Variants in ZNF211 observed in about 807,000 individuals in gnomAD.
The protein encoded by ZNF211 is zinc finger protein C2H2-25.
ZNF211 carries 18 observed loss-of-function variants against 12.1 expected under a neutral mutation model. The observed-to-expected ratio is 1.48, with a 90% CI of 1.03 to 2.20. The LOEUF (loss-of-function observed/expected upper bound fraction) is 2.20, where lower values mean the gene tolerates loss of function less well. Ranked by LOEUF, ZNF211 falls within the 30% of genes most tolerant of loss-of-function variation. The pLI, the probability that ZNF211 is intolerant of heterozygous loss-of-function variation, is 0.00. For synonymous variants in ZNF211, 249 were observed against 246.0 expected (o/e 1.01, Z -0.11); for missense variants, 677 against 703.1 (o/e 0.96, Z 0.42).
intron 3 of ZNF211, 51 bp downstream of exon 3, chr19:57,634,806 C>G (rs757846698): frequency 6.8e-7 from 1 of 1,463,854 alleles, no homozygotes; most frequent in East Asian, 2.5e-5. Context: ...CTCTGTTTCT[C>G]CTTTTCCTCA....
intron 2 of ZNF211, 28 bp downstream of exon 2, chr19:57,634,089 TG>T (rs1421369119): frequency 6.5e-7 from 1 of 1,539,578 alleles, no homozygotes; most frequent in Non-Finnish European, 8.7e-7. Context: ...AGCCCCTCAC[TG>T]GTCTGGAATG....
rs779802101 is a variant in ZNF211, at chr19:57,642,053, A to G, written c.1606A>G (p.Ser536Gly). 2 of 1,614,162 alleles carry G rather than the reference A, an allele frequency of 1.2e-6. No homozygotes were observed. Among genetic ancestry groups the G allele is most frequent in the Non-Finnish European group, 1.7e-6 (2 of 1,179,988 alleles). Residue 536 changes from serine to glycine, a missense_variant, in exon 4 of 4, where the codon AGC becomes GGC. Transcript: ENST00000240731. ...ECGKSFSQSSSLIQHRRVHTG... is the reference protein window; with the variant it reads ...ECGKSFSQSSGLIQHRRVHTG... The stretch of plus-strand genomic sequence containing the variant: ...TGGGAAATCCTTTAGCCAAAGTTCT[A>G]GCCTCATTCAACACCGCAGAGTTCA...
At chr19:57,634,291 G>A in intron 2 of ZNF211, 1 of 504,798 alleles carries the variant, frequency 2.0e-6, no homozygotes, top group African/African-American at 1.9e-5. Context: ...AAACAGGTAG[G>A]TACCAGCTTT....
rs1170376540 is a variant in ZNF211, at chr19:57,642,176, CCTT to C, written c.1730_1732del (p.Pro577_Ter578delinsGln). ...CCAGAGAGTTCACATTGGAGAAAAG[CCTT>C]AGCTGTACTGAGAATATGCAATTTC... On this transcript the variant is annotated stop_lost and inframe_deletion, in exon 4 of 4. Coordinates refer to ENST00000240731, the MANE Select transcript of ZNF211 (RefSeq NM_006385.5). 1.2e-6 allele frequency: 2 copies of C among 1,601,890 alleles called. No individual in the cohort carries two copies. Among genetic ancestry groups the C allele is most frequent in the Non-Finnish European group, 1.7e-6 (2 of 1,172,682 alleles).
Position 57,633,226 on chromosome 19 carries a change from T to G in ZNF211, c.-121T>G. The G allele has an allele frequency of 1.9e-6, 2 of 1,032,636 alleles. No individual in the cohort carries two copies. Among genetic ancestry groups the G allele is most frequent in the Non-Finnish European group, 2.7e-6 (2 of 749,092 alleles). The allele number at this position is 1,032,636 out of a possible 1,614,324, so 64.0% of individuals were successfully genotyped here. A position where few individuals can be genotyped will look rare whatever the true frequency, so the allele number is the denominator to read the frequency against. On this transcript the variant is annotated 5_prime_UTR_variant, in exon 1 of 4. Transcript: ENST00000240731. ...TTTTGGCTGCCCTCCCGGAGGTCCGTTCTGTCTGTCAGCCGCTTTGGTACG... is the reference window on the plus strand; with the variant it reads ...TTTTGGCTGCCCTCCCGGAGGTCCGGTCTGTCTGTCAGCCGCTTTGGTACG...
Position 57,642,599 on chromosome 19 carries a change from A to G in ZNF211, c.*418A>G, listed in dbSNP as rs143081730. On this transcript the variant is annotated 3_prime_UTR_variant, in exon 4 of 4. Coordinates refer to ENST00000240731, the MANE Select transcript of ZNF211 (RefSeq NM_006385.5). ...ACCCAGCTTTGTGCCAGAGAACCCA[A>G]TATGAGTGTTGTTGGCAGCTTGCCA... The G allele has an allele frequency of 1.1e-3, 176 of 162,642 alleles. 1 individual carries two copies. Among genetic ancestry groups the G allele is most frequent in the African/African-American group, 4.1e-3 (172 of 41,826 alleles). 10.1% of individuals were successfully genotyped at this position (162,642 alleles called of 1,614,324 possible).
rs907086844 is a variant in ZNF211, at chr19:57,643,642, T to C, written c.*1461T>C. 3.3e-5 allele frequency among the ~76,000 whole-genome samples: 5 copies of C among 152,174 alleles called. No individual in the cohort carries two copies. Among genetic ancestry groups the C allele is most frequent in the African/African-American group, 1.2e-4 (5 of 41,432 alleles). The stretch of plus-strand genomic sequence containing the variant: ...CTCCAAGGTCATCAGGAAAGAGAGT[T>C]AATGTAGGGTTACCAAACCTAGTCA... On this transcript the variant is annotated 3_prime_UTR_variant, in exon 4 of 4. Transcript: ENST00000240731.
chr19:57,633,511 C>G, intron 1 of ZNF211, 75 bp downstream of exon 1: 1 of 1,514,772 alleles, frequency 6.6e-7, no homozygotes, highest in South Asian at 1.3e-5. Flanking sequence ...GCTCACGTCT[C>G]TGTAGCACAG....
At chr19:57,633,900 G>A (rs1414290364) in intron 1 of ZNF211, 123 bp from the exon 2 acceptor site, 2 of 1,607,334 alleles carry the variant, frequency 1.2e-6, no homozygotes, top group Non-Finnish European at 1.7e-6. Flanking sequence ...GGACCGAGGC[G>A]CACAGGTTAG....
intron 3 of ZNF211, among the ~76,000 whole-genome samples, chr19:57,637,188 A>G (rs1982250120): frequency 6.6e-6 from 1 of 151,188 alleles, no homozygotes; most frequent in African/African-American, 2.4e-5. Context: ...TTTCTTGCCT[A>G]ATTGCTATGT....
rs150317613 is a variant in ZNF211 at position 57,634,271 on chromosome 19, T to G, written c.129+210T>G. ...CAGCCAATGGAAAGATGGGTGAAAA[T>G]TTATGATAGAAACAGGTAGGTACCA... On this transcript the variant is annotated intron_variant, in intron 2 of 3. Transcript: ENST00000240731. 35 of 534,536 alleles carry G rather than the reference T, an allele frequency of 6.5e-5. 1 individual carries two copies. The highest frequency in any genetic ancestry group is 6.4e-4 in the African/African-American group (33 of 51,924). The allele number at this position is 534,536 out of a possible 1,614,324, so 33.1% of individuals were successfully genotyped here. A position where few individuals can be genotyped will look rare whatever the true frequency, so the allele number is the denominator to read the frequency against.
chr19:57,638,697 G>A (rs752006667), intron 3 of ZNF211, among the ~76,000 whole-genome samples: 2 of 152,102 alleles, frequency 1.3e-5, no homozygotes, highest in Non-Finnish European at 2.9e-5. Context: ...GTTGTTGTTG[G>A]GTAGAATGCT....
intron 3 of ZNF211, 83 bp downstream of exon 3, chr19:57,634,838 CT>C (rs1981935912): frequency 7.2e-7 from 1 of 1,397,886 alleles, no homozygotes; most frequent in African/African-American, 1.5e-5. Context: ...GTCCTCATAT[CT>C]GGACTATAGG....
Position 57,634,761 on chromosome 19 carries a change from G to A in ZNF211, c.256+6G>A. On this transcript the variant is annotated splice_donor_region_variant and intron_variant, in intron 3 of 3. Transcript: ENST00000240731. The stretch of plus-strand genomic sequence containing the variant: ...TGCACTTACGTCCTCCCTGGGTAAG[G>A]CCCTCATACTCACCCTTGTGCCCTG... 2 of 1,581,252 alleles carry A rather than the reference G, an allele frequency of 1.3e-6. No homozygotes were observed. Among genetic ancestry groups the A allele is most frequent in the Non-Finnish European group, 1.7e-6 (2 of 1,162,780 alleles).
chr19:57,641,828 A>G lies in ZNF211; in HGVS notation c.1381A>G (p.Thr461Ala), dbSNP rs202083298. The change falls in exon 4 of 4, where the codon ACA (threonine) becomes GCA (alanine). Residue 461 changes from threonine to alanine, a missense_variant. Coordinates refer to ENST00000240731, the MANE Select transcript of ZNF211 (RefSeq NM_006385.5). ...CTTCAGTTCACATCGGAAAGTCCAC[A>G]CAGGGGAAAGGCCTTATGTGTGTGG... ...SSFSSHRKVH[T>A]GERPYVCGEC... The G allele has an allele frequency of 1.9e-6, 3 of 1,614,088 alleles. No homozygotes were observed. Among genetic ancestry groups the G allele is most frequent in the African/African-American group, 1.3e-5 (1 of 74,992 alleles).
chr19:57,641,052 A>T lies in ZNF211; in HGVS notation c.605A>T (p.Glu202Val). ...HVSEKPFTCR[E>V]IRKDFLANMR... ...TCGGAGAAACCCTTTACCTGCAGGG[A>T]GATCAGGAAAGACTTCCTGGCCAAC... The change falls in exon 4 of 4, where the codon GAG becomes GTG. Residue 202 changes from glutamate to valine, a missense_variant. Transcript: ENST00000240731. 1 of 1,614,210 alleles carries T rather than the reference A, an allele frequency of 6.2e-7. No homozygotes were observed. Among genetic ancestry groups the T allele is most frequent in the Non-Finnish European group, 8.5e-7 (1 of 1,180,044 alleles).
chr19:57,642,813 C>T lies in ZNF211; in HGVS notation c.*632C>T, dbSNP rs1983144317. ...TTCACTCTTTGAGGTGGTTCAAAAA[C>T]AGAATCGGGCCCTGCCAGCTTTACA... On this transcript the variant is annotated 3_prime_UTR_variant, in exon 4 of 4. Transcript: ENST00000240731. 6.6e-6 allele frequency: 1 copy of T among 152,332 alleles called. No homozygotes were observed. Among genetic ancestry groups the T allele is most frequent in the Non-Finnish European group, 1.5e-5 (1 of 68,170 alleles). 9.4% of individuals were successfully genotyped at this position (152,332 alleles called of 1,614,324 possible).
rs1275449830 is a variant in ZNF211 at position 57,643,768 on chromosome 19, C to G, written c.*1587C>G. ...TAAGCTCTCCCTCCCCTCTCTGGCC[C>G]TCAAGGCAACCATTGATTTATACCT... On this transcript the variant is annotated 3_prime_UTR_variant, in exon 4 of 4. Coordinates refer to ENST00000240731, the MANE Select transcript of ZNF211 (RefSeq NM_006385.5). 6.6e-6 allele frequency among the ~76,000 whole-genome samples: 1 copy of G among 152,178 alleles called. No individual in the cohort carries two copies. Among genetic ancestry groups the G allele is most frequent in the East Asian group, 1.9e-4 (1 of 5,194 alleles).
rs549691896 is a variant in ZNF211, at chr19:57,642,079, C to T, written c.1632C>T (p.His544=). The part of the protein sequence containing the change: ...SSSLIQHRRV[H]TGKRPYQCSQ... ...GCCTCATTCAACACCGCAGAGTTCA[C>T]ACGGGAAAAAGGCCTTATCAGTGCA... The change falls in exon 4 of 4, where the codon CAC becomes CAT. Residue 544 remains histidine, a synonymous_variant. Transcript: ENST00000240731. The T allele has an allele frequency of 1.2e-5, 20 of 1,614,124 alleles. No homozygotes were observed. The South Asian group carries it at 2.0e-4, about 16-fold the overall frequency.
Sources: gnomAD v4.1 joint callset for allele counts (sites outside exome capture counted in the v4.1 genomes callset) on GRCh38, gnomAD v4.1.1 for gene constraint, MANE v1.5 for transcripts, NCBI Gene and HGNC (gene_info 2026-07-23, HGNC 2026-07-21) for gene names.